HRH1: variants seen among roughly 807,000 people sequenced by gnomAD.
The protein encoded by HRH1 is histamine receptor H1, also known as histamine H1 receptor.
A neutral mutation model predicts 10.3 loss-of-function variants in HRH1; 6 were observed. The observed-to-expected ratio is 0.58, with a 90% CI of 0.32 to 1.15. The LOEUF is 1.15. Ranked by LOEUF, HRH1 falls within the 50% of genes most tolerant of loss-of-function variation. HRH1 has a pLI of 0.05. For synonymous variants in HRH1, 242 were observed against 236.7 expected (o/e 1.02, Z -0.21); for missense variants, 514 against 615.3 (o/e 0.84, Z 1.74).
At chr3:11,207,159 C>T (rs1938161627) in intron 1 of HRH1, among the ~76,000 whole-genome samples, 1 of 151,652 alleles carries the variant, frequency 6.6e-6, no homozygotes, top group East Asian at 1.9e-4. Flanking sequence ...GGGCAGGGGG[C>T]AGCAGTGGGA....
At chr3:11,197,461 G>A (rs186817929) in intron 1 of HRH1, among the ~76,000 whole-genome samples, 99 of 152,130 alleles carry the variant, frequency 6.5e-4, no homozygotes, top group Admixed American at 1.4e-3. Flanking sequence ...GGGGCCATAC[G>A]GAGCCTTTTA....
chr3:11,175,204 C>T (rs531833841), intron 1 of HRH1, among the ~76,000 whole-genome samples: 91 of 152,314 alleles, frequency 6.0e-4, no homozygotes, highest in Middle Eastern at 3.4e-3. Context: ...CTATTGAGCA[C>T]TTAACTTGTG....
chr3:11,223,498 C>CA (rs11323742), intron 1 of HRH1, among the ~76,000 whole-genome samples: 2 of 149,930 alleles, frequency 1.3e-5, no homozygotes, highest in South Asian at 2.1e-4. Context: ...GACTCCATCT[C>CA]AAAAAAAAAA....
At chr3:11,240,988 C>G (rs1207542126) in intron 1 of HRH1, among the ~76,000 whole-genome samples, 3 of 152,214 alleles carry the variant, frequency 2.0e-5, no homozygotes, top group Non-Finnish European at 4.4e-5. Flanking sequence ...CAAACTCTCA[C>G]TTTGTACTAG....
At chr3:11,198,760 A>G (rs1251908037) in intron 1 of HRH1, among the ~76,000 whole-genome samples, 1 of 150,880 alleles carries the variant, frequency 6.6e-6, no homozygotes, top group African/African-American at 2.4e-5. Flanking sequence ...AAATGGGCGG[A>G]CTGTTTGAGC....
chr3:11,224,150 T>C (rs1938803432), intron 1 of HRH1, among the ~76,000 whole-genome samples: 1 of 152,210 alleles, frequency 6.6e-6, no homozygotes, highest in Non-Finnish European at 1.5e-5. Flanking sequence ...CCGTGCAATG[T>C]GCATGCCTAC....
intron 1 of HRH1, among the ~76,000 whole-genome samples, chr3:11,257,003 A>C (rs1225642970): frequency 6.6e-6 from 1 of 152,116 alleles, no homozygotes; most frequent in Non-Finnish European, 1.5e-5. Context: ...CTGTAATCTC[A>C]GCACTTTGGG....
At chr3:11,241,661 G>A (rs1331301096) in intron 1 of HRH1, among the ~76,000 whole-genome samples, 4 of 134,412 alleles carry the variant, frequency 3.0e-5, no homozygotes, top group African/African-American at 1.1e-4. Flanking sequence ...GTGAAACCTT[G>A]TCTCTACTGA....
chr3:11,196,172 G>A (rs1484818057), intron 1 of HRH1, among the ~76,000 whole-genome samples: 1 of 152,160 alleles, frequency 6.6e-6, no homozygotes, highest in African/African-American at 2.4e-5. Context: ...CTCTCCACAC[G>A]ATCTTGCATG....
At chr3:11,196,967 A>C (rs1937680810) in intron 1 of HRH1, among the ~76,000 whole-genome samples, 1 of 150,718 alleles carries the variant, frequency 6.6e-6, no homozygotes, top group Non-Finnish European at 1.5e-5. Context: ...AAAAAAAAAA[A>C]AAAAAAAATT....
chr3:11,223,002 T>C (rs1423026893), intron 1 of HRH1, among the ~76,000 whole-genome samples: 1 of 151,618 alleles, frequency 6.6e-6, no homozygotes, highest in East Asian at 1.9e-4. Context: ...CTGGCCAACA[T>C]GGTGAAACCC....
chr3:11,220,859 T>C (rs1938688200), intron 1 of HRH1, among the ~76,000 whole-genome samples: 1 of 152,122 alleles, frequency 6.6e-6, no homozygotes, highest in African/African-American at 2.4e-5. Context: ...ATGATTGTTC[T>C]ATGTCAATAA....
chr3:11,259,636 ACCTGCCCAC>A lies in HRH1; in HGVS notation c.601_609del (p.Pro202_Leu204del). ...GTCATGACTGCCATCATCAACTTCT[ACCTGCCCAC>A]CTTGCTCATGCTCTGGTTCTATGCC... On this transcript the variant is annotated inframe_deletion, in exon 2 of 2. Coordinates refer to ENST00000431010, the MANE Select transcript of HRH1 (RefSeq NM_001098212.2). The surrounding 1 kb of genome is among the most constrained non-coding windows in gnomAD (Gnocchi z 4.6). The A allele has an allele frequency of 6.2e-7, 1 of 1,613,784 alleles. No individual in the cohort carries two copies. Among genetic ancestry groups the A allele is most frequent in the Non-Finnish European group, 8.5e-7 (1 of 1,179,948 alleles).
At chr3:11,250,705 G>C (rs1181151984) in intron 1 of HRH1, among the ~76,000 whole-genome samples, 1 of 152,126 alleles carries the variant, frequency 6.6e-6, no homozygotes, top group East Asian at 1.9e-4. Context: ...TGTAGATAAG[G>C]CAATCTAAAA....
At chr3:11,239,799 C>T (rs774463951) in intron 1 of HRH1, among the ~76,000 whole-genome samples, 1 of 152,142 alleles carries the variant, frequency 6.6e-6, no homozygotes, top group Non-Finnish European at 1.5e-5. Flanking sequence ...CACTCCTCCT[C>T]TTGCCCCCAG....
At chr3:11,185,374 GTCAC>G (rs1335971253) in intron 1 of HRH1, among the ~76,000 whole-genome samples, 3 of 152,182 alleles carry the variant, frequency 2.0e-5, no homozygotes, top group Admixed American at 6.5e-5. Flanking sequence ...AAAGTAGTAA[GTCAC>G]TCCCCTGACC....
chr3:11,258,533 CT>C (rs1291189278), intron 1 of HRH1, among the ~76,000 whole-genome samples: 2 of 152,196 alleles, frequency 1.3e-5, no homozygotes, highest in Non-Finnish European at 2.9e-5. Flanking sequence ...AAAACTCCGC[CT>C]CTGCTGTTTG....
At chr3:11,140,379 A>AG (rs1399848329) in intron 1 of HRH1, among the ~76,000 whole-genome samples, 1 of 152,100 alleles carries the variant, frequency 6.6e-6, no homozygotes, top group African/African-American at 2.4e-5. Flanking sequence ...CCCAATACCA[A>AG]GACCTCTCAT....
At chr3:11,207,179 G>A (rs925048113) in intron 1 of HRH1, among the ~76,000 whole-genome samples, 1 of 151,978 alleles carries the variant, frequency 6.6e-6, no homozygotes, top group Non-Finnish European at 1.5e-5. Flanking sequence ...AGGGGAAGGC[G>A]GGAAAGGTAG....
Sources: gnomAD v4.1 joint callset for allele counts (sites outside exome capture counted in the v4.1 genomes callset) on GRCh38, gnomAD v4.1.1 for gene constraint, Gnocchi (gnomAD v3.1) non-coding constraint, MANE v1.5 for transcripts, NCBI Gene and HGNC (gene_info 2026-07-23, HGNC 2026-07-21) for gene names.